The following SSBP2 variants were observed in gnomAD, a reference collection of about 807,000 sequenced individuals.
SSBP2 encodes single stranded DNA binding protein 2, also known as single-stranded DNA-binding protein 2.
Under a neutral mutation model 61.8 loss-of-function variants are expected in SSBP2, and 17 were observed. The ratio of observed to expected loss-of-function variants is 0.28; its 90% confidence interval spans 0.19 to 0.41. The LOEUF is 0.41. Among genes scored for constraint, SSBP2 ranks in the 10% least tolerant of loss-of-function variants. The probability of loss-of-function intolerance (pLI) is 1.00; values close to 1 mark genes in which losing one functional copy is unlikely to be tolerated. For synonymous variants in SSBP2, 139 were observed against 141.3 expected (o/e 0.98, Z 0.12); for missense variants, 310 against 458.7 (o/e 0.68, Z 2.96).
intron 15 of SSBP2, among the ~76,000 whole-genome samples, chr5:81,434,133 G>A (rs1762519716): frequency 6.6e-6 from 1 of 152,114 alleles, no homozygotes; most frequent in Admixed American, 6.5e-5. Flanking sequence ...GTAGCATCAG[G>A]CTTTCTGATT....
intron 1 of SSBP2, among the ~76,000 whole-genome samples, chr5:81,747,050 G>T: frequency 7.3e-6 from 1 of 136,450 alleles, no homozygotes; most frequent in African/African-American, 2.6e-5. Flanking sequence ...GAAGAAACAA[G>T]TTTTCGTCAT....
At chr5:81,481,986 G>C (rs1224119881) in intron 6 of SSBP2, among the ~76,000 whole-genome samples, 1 of 151,948 alleles carries the variant, frequency 6.6e-6, no homozygotes, top group Admixed American at 6.6e-5. Context: ...CTGTTGCCCA[G>C]GCTGGGGTGC....
intron 1 of SSBP2, among the ~76,000 whole-genome samples, chr5:81,741,061 G>T (rs1452718064): frequency 6.6e-6 from 1 of 152,128 alleles, no homozygotes; most frequent in East Asian, 1.9e-4. Context: ...TAGTTAAAAT[G>T]GGCAGTGCAG....
intron 5 of SSBP2, among the ~76,000 whole-genome samples, chr5:81,506,393 A>C (rs1420076971): frequency 6.6e-6 from 1 of 152,152 alleles, no homozygotes; most frequent in Non-Finnish European, 1.5e-5. Flanking sequence ...ATGCTGTTAG[A>C]TATTCTAGTC....
chr5:81,548,674 G>T (rs145766416), intron 4 of SSBP2, among the ~76,000 whole-genome samples: 2,092 of 152,294 alleles, frequency 0.014, 31 homozygotes, highest in South Asian at 0.077. Context: ...TGTAATCCCA[G>T]CACTTTGGGA....
At chr5:81,480,249 T>C (rs1227950368) in intron 6 of SSBP2, among the ~76,000 whole-genome samples, 1 of 152,222 alleles carries the variant, frequency 6.6e-6, no homozygotes, top group Non-Finnish European at 1.5e-5. Flanking sequence ...TATGCACTTA[T>C]GAACTGATGT....
chr5:81,516,790 T>A lies in SSBP2; in HGVS notation c.283-3073A>T, dbSNP rs562257999. Among the ~76,000 whole-genome samples the A allele has an allele frequency of 1.1e-4, 16 of 151,112 alleles. 1 individual carries two copies. Among genetic ancestry groups the A allele is most frequent in the African/African-American group, 3.9e-4 (16 of 40,526 alleles). On this transcript the variant is annotated intron_variant, in intron 4 of 16. Coordinates refer to ENST00000320672, the MANE Select transcript of SSBP2 (RefSeq NM_012446.5). ...TAATGCAAGCTTTGAAACTGTAAGG[T>A]AAATAAGAAGTTTTTGGAATTAGAA... is the stretch of plus-strand genomic sequence containing the variant.
intron 1 of SSBP2, among the ~76,000 whole-genome samples, chr5:81,712,690 C>A (rs1172942437): frequency 6.6e-6 from 1 of 150,844 alleles, no homozygotes; most frequent in African/African-American, 2.4e-5. Flanking sequence ...CACTGTCCCA[C>A]CAAAATGAAA....
chr5:81,427,478 C>G (rs1762027274), intron 16 of SSBP2, among the ~76,000 whole-genome samples: 1 of 152,116 alleles, frequency 6.6e-6, no homozygotes, highest in Non-Finnish European at 1.5e-5. Context: ...ATGTGGATAT[C>G]AGAACTACAA....
At chr5:81,510,894 T>G (rs1425483171) in intron 5 of SSBP2, among the ~76,000 whole-genome samples, 1 of 152,122 alleles carries the variant, frequency 6.6e-6, no homozygotes, top group African/African-American at 2.4e-5. Context: ...AATATGAACA[T>G]GTCTGTCTCC....
chr5:81,459,392 A>G (rs10075648), intron 10 of SSBP2, among the ~76,000 whole-genome samples: 69,914 of 152,024 alleles, frequency 0.46, 20,831 homozygotes, highest in African/African-American at 0.86. Context: ...ATAATCTTTG[A>G]ATGAGTGTGT....
intron 4 of SSBP2, among the ~76,000 whole-genome samples, chr5:81,521,990 T>C (rs1286163317): frequency 6.6e-6 from 1 of 152,036 alleles, no homozygotes; most frequent in Non-Finnish European, 1.5e-5. Flanking sequence ...GTATATATCA[T>C]GTGCTATAAA....
chr5:81,687,748 G>C (rs561366157), intron 1 of SSBP2, among the ~76,000 whole-genome samples: 26 of 152,272 alleles, frequency 1.7e-4, no homozygotes, highest in Non-Finnish European at 2.2e-4. Flanking sequence ...GACACATCCT[G>C]GGCCTGTAGG....
chr5:81,520,746 T>C (rs1769417879), intron 4 of SSBP2, among the ~76,000 whole-genome samples: 1 of 152,132 alleles, frequency 6.6e-6, no homozygotes, highest in Non-Finnish European at 1.5e-5. Context: ...ATCTTCATAT[T>C]GTCTCTAATT....
chr5:81,529,571 A>G (rs1404750696), intron 4 of SSBP2, among the ~76,000 whole-genome samples: 1 of 152,144 alleles, frequency 6.6e-6, no homozygotes, highest in African/African-American at 2.4e-5. Context: ...TAAATGGTAG[A>G]GAATTCACAG....
intron 15 of SSBP2, 65 bp from the exon 16 acceptor site, chr5:81,428,748 G>A: frequency 1.7e-6 from 2 of 1,159,288 alleles, no homozygotes; most frequent in Non-Finnish European, 2.6e-6. Flanking sequence ...GCACTGTACT[G>A]TTTCGAATAT....
chr5:81,749,486 G>C (rs1473133111), intron 1 of SSBP2, among the ~76,000 whole-genome samples: 1 of 152,104 alleles, frequency 6.6e-6, no homozygotes, highest in East Asian at 1.9e-4. Context: ...CTGCGCATTC[G>C]GTTTTTATTT....
chr5:81,454,689 AT>A (rs932862476), intron 10 of SSBP2, among the ~76,000 whole-genome samples: 3 of 152,148 alleles, frequency 2.0e-5, no homozygotes, highest in Admixed American at 1.3e-4. Flanking sequence ...TCAAAAAAAA[AT>A]AATAGAACAA....
intron 12 of SSBP2, among the ~76,000 whole-genome samples, chr5:81,443,505 G>A (rs1763168493): frequency 6.6e-6 from 1 of 152,052 alleles, no homozygotes; most frequent in Non-Finnish European, 1.5e-5. Context: ...GATAAATTAT[G>A]GTTTTCTATT....
Sources: gnomAD v4.1 joint callset for allele counts (sites outside exome capture counted in the v4.1 genomes callset) on GRCh38, gnomAD v4.1.1 for gene constraint, MANE v1.5 for transcripts, NCBI Gene and HGNC (gene_info 2026-07-23, HGNC 2026-07-21) for gene names.